The following TOR1AIP2 variants were observed in gnomAD, a reference collection of about 807,000 sequenced individuals.
TOR1AIP2 encodes torsin-1A-interacting protein 2.
A neutral mutation model predicts 32.6 loss-of-function variants in TOR1AIP2; 20 were observed. The observed-to-expected ratio is 0.61, with a 90% CI of 0.43 to 0.89. The LOEUF (loss-of-function observed/expected upper bound fraction) is 0.89. Among genes scored for constraint, TOR1AIP2 ranks in the 40% least tolerant of loss-of-function variants. The pLI, the probability that TOR1AIP2 is intolerant of heterozygous loss-of-function variation, is 0.00. For missense variants in TOR1AIP2, 456 were observed against 553.8 expected (o/e 0.82, Z 1.77); for synonymous variants, 214 against 210.8 (o/e 1.02, Z -0.13).
intron 3 of TOR1AIP2, chr1:179,861,817 G>A (rs1696544176): frequency 5.1e-6 from 5 of 977,394 alleles, no homozygotes; most frequent in Non-Finnish European, 6.1e-6. Context: ...ATGGTCTAGA[G>A]AGCACCTGCA....
intron 2 of TOR1AIP2, among the ~76,000 whole-genome samples, chr1:179,869,553 T>C (rs1696932088): frequency 6.6e-6 from 1 of 152,228 alleles, no homozygotes; most frequent in African/African-American, 2.4e-5. Flanking sequence ...ACAAGACCAG[T>C]AGCAGTTAAT....
chr1:179,858,813 T>C (rs904817452), intron 3 of TOR1AIP2, among the ~76,000 whole-genome samples: 1 of 152,046 alleles, frequency 6.6e-6, no homozygotes, highest in East Asian at 1.9e-4. Context: ...ATTGCTAGCA[T>C]TGCCATGGCG....
At chr1:179,850,771 G>C (rs373910438) in intron 5 of TOR1AIP2, 74 bp downstream of exon 5, 1 of 1,504,550 alleles carries the variant, frequency 6.6e-7, no homozygotes, top group Non-Finnish European at 8.9e-7. Context: ...TGGAAAGAAG[G>C]CCTCTGACTT....
chr1:179,850,795 AG>A (rs2148428014), intron 5 of TOR1AIP2, 49 bp downstream of exon 5: 1 of 1,556,532 alleles, frequency 6.4e-7, no homozygotes, highest in Non-Finnish European at 8.7e-7. Flanking sequence ...CTGTGTTCTC[AG>A]TTAACAGAGC....
intron 2 of TOR1AIP2, chr1:179,874,262 A>T (rs1697111152): frequency 6.6e-6 from 1 of 152,230 alleles, no homozygotes; most frequent in Non-Finnish European, 1.5e-5. Context: ...TGTTCACTAT[A>T]AAGTAGCTGG....
chr1:179,872,584 C>G (rs1697051798), intron 2 of TOR1AIP2, among the ~76,000 whole-genome samples: 1 of 152,242 alleles, frequency 6.6e-6, no homozygotes, highest in Admixed American at 6.5e-5. Flanking sequence ...AAAAAGCACT[C>G]TACTTCCTTA....
chr1:179,851,115 G>A lies in TOR1AIP2; in HGVS notation c.283C>T (p.Leu95=), dbSNP rs202192648. The change falls in exon 5 of 7, where the codon CTG becomes TTG. Residue 95 remains leucine, a synonymous_variant. Transcript: ENST00000609928. ...AGGTGATGCCCTTTTCCGCCATCCA[G>A]AAAACTCTGCTTGTTCTCATCTTCT... ...KTEDENKQSF[L]DGGKGHHLPS... is the part of the protein sequence containing the mutation. 3 of 1,614,172 alleles carry A rather than the reference G, an allele frequency of 1.9e-6. No individual in the cohort carries two copies. Among genetic ancestry groups the A allele is most frequent in the African/African-American group, 2.7e-5 (2 of 75,044 alleles).
At chr1:179,870,168 G>A (rs1021370963) in intron 2 of TOR1AIP2, among the ~76,000 whole-genome samples, 1 of 152,146 alleles carries the variant, frequency 6.6e-6, no homozygotes. Flanking sequence ...AGGCCAAGGC[G>A]GGTGGATCAC....
chr1:179,852,629 T>C lies in TOR1AIP2; in HGVS notation c.34+3A>G. On this transcript the variant is annotated splice_donor_region_variant and intron_variant, in intron 4 of 6. Transcript: ENST00000609928. ...ACCTCAGTGCCAGACAAATCAGTCT[T>C]ACCCTCTTGAGGTTCCCTAAGTCCA... The C allele has an allele frequency of 6.2e-7, 1 of 1,614,046 alleles. No individual in the cohort carries two copies.
rs1695679266 is a variant in TOR1AIP2, at chr1:179,840,257, C to A, written c.*5814G>T. On this transcript the variant is annotated 3_prime_UTR_variant, in exon 7 of 7. Coordinates refer to ENST00000609928, the MANE Select transcript of TOR1AIP2 (RefSeq NM_001199260.2). ...ATGAACCAGGAGCAACTGCCTGGAG[C>A]TTTGTGTTGATGCGTCCTCAGGCCT... 1 of 152,190 alleles carries A rather than the reference C, an allele frequency of 6.6e-6. No individual in the cohort carries two copies. The highest frequency in any genetic ancestry group is 1.5e-5 in the Non-Finnish European group (1 of 68,038). The allele number at this position is 152,190 out of a possible 1,614,324, so 9.4% of individuals were successfully genotyped here. A position where few individuals can be genotyped will look rare whatever the true frequency, so the allele number is the denominator to read the frequency against.
intron 3 of TOR1AIP2, among the ~76,000 whole-genome samples, chr1:179,855,716 CCCAAAATGT>C (rs1696273415): frequency 6.6e-6 from 1 of 151,916 alleles, no homozygotes; most frequent in Non-Finnish European, 1.5e-5. Context: ...ATTAATACGC[CCCAAAATGT>C]CCATTGCTGT....
chr1:179,860,740 C>G, intron 3 of TOR1AIP2: 4 of 985,366 alleles, frequency 4.1e-6, no homozygotes, highest in Non-Finnish European at 4.8e-6. Flanking sequence ...AATAGAAACC[C>G]AGCTGGCTGC....
At chr1:179,876,453 G>C (rs1364507080) in intron 2 of TOR1AIP2, among the ~76,000 whole-genome samples, 2 of 152,190 alleles carry the variant, frequency 1.3e-5, no homozygotes, top group Non-Finnish European at 2.9e-5. Flanking sequence ...AGGTAATCAA[G>C]TTGTGGACTG....
intron 2 of TOR1AIP2, among the ~76,000 whole-genome samples, chr1:179,866,869 G>A (rs1441840351): frequency 6.6e-6 from 1 of 152,218 alleles, no homozygotes; most frequent in East Asian, 1.9e-4. Flanking sequence ...GACACTGGAT[G>A]TAGCATGTAA....
rs1695737212 is a variant in TOR1AIP2, at chr1:179,842,059, G to C, written c.*4012C>G. On this transcript the variant is annotated 3_prime_UTR_variant, in exon 7 of 7. Transcript: ENST00000609928. ...CTACCAAAAATACAAAAATTAGCTG[G>C]GCGTGATGGCACGTGCCTGTAATCC... 3 of 152,278 alleles carry C rather than the reference G, an allele frequency of 2.0e-5. No individual in the cohort carries two copies. The highest frequency in any genetic ancestry group is 2.0e-4 in the Admixed American group (3 of 15,280). 9.4% of individuals were successfully genotyped at this position (152,278 alleles called of 1,614,324 possible).
Position 179,847,426 on chromosome 1 carries a change from T to A in TOR1AIP2, c.655+109A>T, listed in dbSNP as rs1403830488. The A allele has an allele frequency of 1.0e-5, 8 of 770,088 alleles. No homozygotes were observed. In the African/African-American group the frequency reaches 1.4e-4, roughly 13 times the overall value. 47.7% of individuals were successfully genotyped at this position (770,088 alleles called of 1,614,324 possible). A position where few individuals can be genotyped will look rare whatever the true frequency, so the allele number is the denominator to read the frequency against. ...CTCACTACCAATCATTAAATAAGTA[T>A]ATATAAACACAATGTTAAAACTGTT... On this transcript the variant is annotated intron_variant, in intron 6 of 6. Transcript: ENST00000609928.
At chr1:179,873,741 T>TC (rs1445815764) in intron 2 of TOR1AIP2, 1 of 152,212 alleles carries the variant, frequency 6.6e-6, no homozygotes, top group East Asian at 1.9e-4. Context: ...TTGTCCCTTC[T>TC]CCCCTACTTA....
chr1:179,846,722 GGCCTCCAAA>G lies in TOR1AIP2; in HGVS notation c.753_761del (p.Leu252_Ala254del), dbSNP rs750525012. The G allele has an allele frequency of 4.3e-6, 7 of 1,613,922 alleles. No homozygotes were observed. The African/African-American group carries it at 9.3e-5, about 22-fold the overall frequency. Reference sequence around the variant, plus strand: ...CCAATTGGCTAAACTGGGCCAAAAAGGCCTCCAAAGCTGGATTTTTGGGCACTTGCTGGG... The same window carrying G: ...CCAATTGGCTAAACTGGGCCAAAAAGGCTGGATTTTTGGGCACTTGCTGGG... On this transcript the variant is annotated inframe_deletion, in exon 7 of 7. Coordinates refer to ENST00000609928, the MANE Select transcript of TOR1AIP2 (RefSeq NM_001199260.2).
At chr1:179,863,980 C>T in intron 3 of TOR1AIP2, 1 of 985,354 alleles carries the variant, frequency 1.0e-6, no homozygotes, top group African/African-American at 1.7e-5. Flanking sequence ...TGAAGTCAGG[C>T]TTGATAATTT....
Sources: allele counts gnomAD v4.1 joint callset (sites outside exome capture counted in the v4.1 genomes callset), GRCh38; gene constraint gnomAD v4.1.1; transcripts MANE v1.5; gene names NCBI Gene and HGNC (gene_info 2026-07-23, HGNC 2026-07-21).